Variants in SORCS3 observed in about 807,000 individuals in gnomAD.
SORCS3 encodes the protein VPS10 domain-containing receptor SorCS3.
A neutral mutation model predicts 146.3 loss-of-function variants in SORCS3; 57 were observed. The observed-to-expected ratio is 0.39, with a 90% confidence interval of 0.31 to 0.49. The LOEUF is 0.49. Among genes scored for constraint, SORCS3 ranks in the 20% least tolerant of loss-of-function variants. The pLI is 0.92. For synonymous variants in SORCS3, 653 were observed against 618.5 expected (o/e 1.06, Z -0.83); for missense variants, 1,341 against 1,575.5 (o/e 0.85, Z 2.52).
chr10:105,140,443 C>T (rs934539870), intron 8 of SORCS3, among the ~76,000 whole-genome samples: 4 of 151,972 alleles, frequency 2.6e-5, no homozygotes, highest in Admixed American at 2.6e-4. Context: ...ACAAATGGTC[C>T]CTGTCTTCAT....
At chr10:104,644,820 G>A (rs1472632304) in intron 1 of SORCS3, among the ~76,000 whole-genome samples, 1 of 152,182 alleles carries the variant, frequency 6.6e-6, no homozygotes, top group African/African-American at 2.4e-5. Flanking sequence ...TGCTTGATAT[G>A]AGTTCCCTTT....
rs1226859353 is a variant in SORCS3, at chr10:105,216,922, A to C, written c.2548-14A>C. ...GACCAAGTAAATTGACCCGTCTGCTATGCCATCTTGCAGGGTGATCTACAA... is the reference window on the plus strand; with the variant it reads ...GACCAAGTAAATTGACCCGTCTGCTCTGCCATCTTGCAGGGTGATCTACAA... On this transcript the variant is annotated splice_polypyrimidine_tract_variant and intron_variant, in intron 18 of 26. Transcript: ENST00000369701. 6.2e-7 allele frequency: 1 copy of C among 1,613,898 alleles called. No homozygotes were observed. The highest frequency in any genetic ancestry group is 1.3e-5 in the African/African-American group (1 of 74,926).
intron 1 of SORCS3, among the ~76,000 whole-genome samples, chr10:104,712,522 G>C (rs1321661967): frequency 6.6e-6 from 1 of 152,186 alleles, no homozygotes; most frequent in Non-Finnish European, 1.5e-5. Flanking sequence ...ATCCAGGTTG[G>C]GGGAGAGCTG....
chr10:104,692,948 G>T (rs1274159311), intron 1 of SORCS3, among the ~76,000 whole-genome samples: 1 of 152,156 alleles, frequency 6.6e-6, no homozygotes, highest in Non-Finnish European at 1.5e-5. Context: ...CAGCAGTCCT[G>T]GGAATCTGCA....
At chr10:104,944,294 C>A (rs1012062984) in intron 3 of SORCS3, among the ~76,000 whole-genome samples, 13 of 152,102 alleles carry the variant, frequency 8.5e-5, no homozygotes, top group Non-Finnish European at 1.3e-4. Flanking sequence ...ATCTTCATGA[C>A]TTCTGTATGG....
intron 23 of SORCS3, among the ~76,000 whole-genome samples, chr10:105,254,327 T>C (rs2056918152): frequency 6.6e-6 from 1 of 152,180 alleles, no homozygotes; most frequent in South Asian, 2.1e-4. Context: ...TTGGAACCCA[T>C]AACAGGTCTT....
chr10:104,697,222 G>C (rs933250760), intron 1 of SORCS3, among the ~76,000 whole-genome samples: 4 of 152,136 alleles, frequency 2.6e-5, no homozygotes, highest in Middle Eastern at 3.2e-3. Flanking sequence ...TGTAAACAAT[G>C]CTGCAAGTGA....
At chr10:104,857,822 G>A (rs1462606401) in intron 2 of SORCS3, among the ~76,000 whole-genome samples, 1 of 152,188 alleles carries the variant, frequency 6.6e-6, no homozygotes, top group Non-Finnish European at 1.5e-5. Flanking sequence ...GGGAAACCGG[G>A]CCTCTTGTAA....
rs763743835 is a variant in SORCS3, at chr10:105,262,459, TGCTGGACAAAGA to T, written c.3581_3592del (p.Lys1194_Asp1197del). Reference sequence around the variant, plus strand: ...AGTGACTTTACGGAGCCTGAGGAGCTGCTGGACAAAGAGCTGGACACGCGGGTCATAGGTACA... The same window carrying T: ...AGTGACTTTACGGAGCCTGAGGAGCTGCTGGACACGCGGGTCATAGGTACA... On this transcript the variant is annotated inframe_deletion, in exon 26 of 27. Coordinates refer to ENST00000369701, the MANE Select transcript of SORCS3 (RefSeq NM_014978.3). 1 of 1,614,004 alleles carries T rather than the reference TGCTGGACAAAGA, an allele frequency of 6.2e-7. No homozygotes were observed. The highest frequency in any genetic ancestry group is 8.5e-7 in the Non-Finnish European group (1 of 1,179,946).
chr10:105,157,047 G>A lies in SORCS3; in HGVS notation c.1483-91G>A, dbSNP rs772600285. ...TTCTTGCTTGGAACCCCAACATGCC[G>A]TGGGAAATTCTGCGGCTTCTCTAAG... On this transcript the variant is annotated intron_variant, in intron 9 of 26. Transcript: ENST00000369701. The A allele has an allele frequency of 4.4e-4, 632 of 1,446,418 alleles. 2 individuals carry two copies. The highest frequency in any genetic ancestry group is 5.5e-4 in the Non-Finnish European group (581 of 1,055,274). The allele number at this position is 1,446,418 out of a possible 1,614,324, so 89.6% of individuals were successfully genotyped here. A position where few individuals can be genotyped will look rare whatever the true frequency, so the allele number is the denominator to read the frequency against.
chr10:104,757,776 A>T (rs529298983), intron 1 of SORCS3, among the ~76,000 whole-genome samples: 129 of 151,564 alleles, frequency 8.5e-4, no homozygotes, highest in African/African-American at 3.0e-3. Context: ...CATTAAATGG[A>T]GGTGTTTTCA....
At chr10:104,771,594 A>T (rs143692065) in intron 1 of SORCS3, among the ~76,000 whole-genome samples, 296 of 152,286 alleles carry the variant, frequency 1.9e-3, no homozygotes, top group Middle Eastern at 6.8e-3. Context: ...GACCTTGAGC[A>T]TGAGATGATG....
At chr10:105,057,253 C>A (rs2133715154) in intron 5 of SORCS3, among the ~76,000 whole-genome samples, 1 of 152,040 alleles carries the variant, frequency 6.6e-6, no homozygotes, top group East Asian at 1.9e-4. Context: ...TACTCAGATT[C>A]TTAATTAGCT....
intron 5 of SORCS3, among the ~76,000 whole-genome samples, chr10:105,063,001 A>G (rs1441458438): frequency 6.6e-6 from 1 of 152,214 alleles, no homozygotes; most frequent in African/African-American, 2.4e-5. Context: ...AGCCGGGGGA[A>G]GTGACCATGA....
At chr10:105,247,885 G>A (rs1342939890) in intron 22 of SORCS3, among the ~76,000 whole-genome samples, 1 of 152,134 alleles carries the variant, frequency 6.6e-6, no homozygotes, top group Non-Finnish European at 1.5e-5. Context: ...TTTGAGATAG[G>A]GGCTTGATCC....
intron 7 of SORCS3, among the ~76,000 whole-genome samples, chr10:105,134,551 A>G (rs1168374960): frequency 3.9e-5 from 5 of 127,084 alleles, no homozygotes; most frequent in Non-Finnish European, 7.0e-5. Context: ...GAAGGGACAA[A>G]AAGGAAAAAA....
intron 1 of SORCS3, among the ~76,000 whole-genome samples, chr10:104,684,704 A>G (rs140954801): frequency 1.9e-3 from 285 of 147,042 alleles, no homozygotes; most frequent in Non-Finnish European, 3.4e-3. Context: ...CAATTTTATG[A>G]TATAGTTGAG....
chr10:105,031,359 ACAC>A (rs2055266669), intron 4 of SORCS3, among the ~76,000 whole-genome samples: 5 of 148,786 alleles, frequency 3.4e-5, no homozygotes, highest in Non-Finnish European at 5.9e-5. Context: ...ACACACACAC[ACAC>A]AAAAACATGT....
chr10:104,898,239 T>A (rs1399286550), intron 2 of SORCS3, among the ~76,000 whole-genome samples: 2 of 152,246 alleles, frequency 1.3e-5, no homozygotes, highest in Non-Finnish European at 2.9e-5. Flanking sequence ...AGTAAAAATA[T>A]CTATCTTATT....
Sources: gnomAD v4.1 joint callset for allele counts (sites outside exome capture counted in the v4.1 genomes callset) on GRCh38, gnomAD v4.1.1 for gene constraint, MANE v1.5 for transcripts, NCBI Gene and HGNC (gene_info 2026-07-23, HGNC 2026-07-21) for gene names.